KATNBL1: variants seen among roughly 807,000 people sequenced by gnomAD.
KATNBL1 encodes KATNB1-like protein 1.
KATNBL1 carries 28 observed loss-of-function variants against 44.7 expected under a neutral mutation model. The ratio of observed to expected loss-of-function variants is 0.63; its 90% CI spans 0.46 to 0.86. The LOEUF (loss-of-function observed/expected upper bound fraction) is 0.86, where lower values mean the gene tolerates loss of function less well. KATNBL1 is among the 40% of genes least tolerant of loss of function. The pLI is 0.00. For missense variants in KATNBL1, 272 were observed against 350.7 expected, an observed-to-expected ratio of 0.78 and a Z score of 1.79; for synonymous variants, 78 against 114.9, an observed-to-expected ratio of 0.68 and a Z score of 2.06.
In KATNBL1 at chr15:34,182,604, A is replaced by G. The variant is rs1272418777; in HGVS notation, c.-14-18914T>C. ...GATATATGTTCACCCCACCTGAGGTAAATGTTTACCATCCTAGACTGGTTT... is the reference window on the plus strand; with the variant it reads ...GATATATGTTCACCCCACCTGAGGTGAATGTTTACCATCCTAGACTGGTTT... On this transcript the variant is annotated intron_variant, in intron 1 of 9. Coordinates refer to ENST00000256544, the MANE Select transcript of KATNBL1 (RefSeq NM_024713.3). Among the ~76,000 whole-genome samples the G allele has an allele frequency of 2.0e-5, 3 of 152,178 alleles. No homozygotes were observed. The East Asian group carries it at 5.8e-4, about 29-fold the overall frequency.
chr15:34,181,870 C>CATATATATATCCATATATATATATCCAT (rs1889574977), intron 1 of KATNBL1, among the ~76,000 whole-genome samples: 16 of 73,100 alleles, frequency 2.2e-4, no homozygotes, highest in African/African-American at 9.6e-4. Context: ...TATATATATC[C>CATATATATATCCATATATATATATCCAT]ATATATATAT....
At chr15:34,166,151 C>G (rs528056773) in intron 1 of KATNBL1, 6 of 152,286 alleles carry the variant, frequency 3.9e-5, no homozygotes, top group Non-Finnish European at 4.4e-5. Flanking sequence ...ACCCGGGAAG[C>G]GCTAGGGGTC....
chr15:34,187,826 C>G (rs181064323), intron 1 of KATNBL1, among the ~76,000 whole-genome samples: 1 of 152,200 alleles, frequency 6.6e-6, no homozygotes, highest in African/African-American at 2.4e-5. Flanking sequence ...CAAACAACCA[C>G]ATTGCCACAA....
At chr15:34,188,437 T>A (rs755200378) in intron 1 of KATNBL1, among the ~76,000 whole-genome samples, 1 of 151,982 alleles carries the variant, frequency 6.6e-6, no homozygotes, top group Non-Finnish European at 1.5e-5. Context: ...ATGCCTGTAA[T>A]CCCAGCTACT....
chr15:34,188,568 GA>G (rs1344878979), intron 1 of KATNBL1, among the ~76,000 whole-genome samples: 51 of 152,094 alleles, frequency 3.4e-4, no homozygotes, highest in Non-Finnish European at 2.9e-4. Flanking sequence ...AAAGGGGGAA[GA>G]AAAAAAGTTT....
At chr15:34,143,452 G>A (rs118152587) in intron 9 of KATNBL1, among the ~76,000 whole-genome samples, 3,073 of 152,088 alleles carry the variant, frequency 0.02, 41 homozygotes, top group Non-Finnish European at 0.029. Flanking sequence ...ACGACAGAGC[G>A]AGATTCAGTC....
At chr15:34,152,001 A>T (rs1888494504) in intron 4 of KATNBL1, among the ~76,000 whole-genome samples, 3 of 133,092 alleles carry the variant, frequency 2.3e-5, no homozygotes, top group African/African-American at 5.8e-5. Context: ...AGTGCAATGG[A>T]ATGATCGCGG....
At chr15:34,169,085 G>C (rs1349152186) in intron 1 of KATNBL1, among the ~76,000 whole-genome samples, 1 of 152,054 alleles carries the variant, frequency 6.6e-6, no homozygotes, top group African/African-American at 2.4e-5. Context: ...AAATAACTAA[G>C]ATCAGAGCAG....
At position 34,184,107 on chromosome 15, in the gene KATNBL1, T is replaced by A. The variant is rs145511338; in HGVS notation, c.-14-20417A>T. Among the ~76,000 whole-genome samples the A allele has an allele frequency of 6.5e-3, 988 of 152,124 alleles. 8 individuals are homozygous for A. Among genetic ancestry groups the A allele is most frequent in the African/African-American group, 0.023 (954 of 41,490 alleles). On this transcript the variant is annotated intron_variant, in intron 1 of 9. Transcript: ENST00000256544. Reference sequence around the variant, plus strand: ...TTACGAGGTCAGGAGATCGAGACCATCCTGGCTAACCCGGTGAAACCCCGT... The same window carrying A: ...TTACGAGGTCAGGAGATCGAGACCAACCTGGCTAACCCGGTGAAACCCCGT...
chr15:34,198,370 A>C (rs1333919249), intron 1 of KATNBL1: 1 of 152,176 alleles, frequency 6.6e-6, no homozygotes, highest in African/African-American at 2.4e-5. Context: ...TTATAATACA[A>C]TATGTCAAGC....
At chr15:34,188,471 G>A (rs1889785807) in intron 1 of KATNBL1, among the ~76,000 whole-genome samples, 1 of 152,130 alleles carries the variant, frequency 6.6e-6, no homozygotes, top group Non-Finnish European at 1.5e-5. Flanking sequence ...CATGAGAATT[G>A]CTTGAACCTG....
At chr15:34,145,318 A>G in intron 9 of KATNBL1, 80 bp downstream of exon 9, 15 of 1,313,764 alleles carry the variant, frequency 1.1e-5, no homozygotes, top group Non-Finnish European at 1.5e-5. Context: ...TTTTGCCTAG[A>G]GACTTGAAAA....
chr15:34,147,732 G>A (rs1412125586), intron 5 of KATNBL1, among the ~76,000 whole-genome samples: 1 of 152,162 alleles, frequency 6.6e-6, no homozygotes, highest in Non-Finnish European at 1.5e-5. Context: ...AAGCGAGATA[G>A]GGAGTGGAGA....
chr15:34,187,021 G>T, intron 1 of KATNBL1, among the ~76,000 whole-genome samples: 1 of 152,228 alleles, frequency 6.6e-6, no homozygotes, highest in East Asian at 1.9e-4. Context: ...AGCCACAGCA[G>T]GGCGGAGGAT....
chr15:34,142,522 G>A, intron 9 of KATNBL1, 151 bp from the exon 10 acceptor site: 1 of 759,886 alleles, frequency 1.3e-6, no homozygotes, highest in Admixed American at 3.6e-5. Context: ...GCTTTTATCT[G>A]CATTTGTTCA....
chr15:34,178,141 A>C (rs1889391987), intron 1 of KATNBL1: 1 of 152,234 alleles, frequency 6.6e-6, no homozygotes, highest in Admixed American at 6.5e-5. Flanking sequence ...CATGCCATTC[A>C]ACCACATTTC....
intron 1 of KATNBL1, among the ~76,000 whole-genome samples, chr15:34,186,385 C>G (rs1269376818): frequency 1.3e-5 from 2 of 152,210 alleles, no homozygotes; most frequent in Non-Finnish European, 2.9e-5. Flanking sequence ...CCCAGGTGGG[C>G]TACAGCCACC....
chr15:34,178,124 T>G (rs774059385), intron 1 of KATNBL1: 1 of 152,224 alleles, frequency 6.6e-6, no homozygotes, highest in African/African-American at 2.4e-5. Flanking sequence ...TCACAGGACG[T>G]AGAATACATG....
chr15:34,153,570 C>CA (rs199789560), intron 3 of KATNBL1, among the ~76,000 whole-genome samples: 22 of 151,996 alleles, frequency 1.4e-4, no homozygotes, highest in African/African-American at 5.3e-4. Context: ...ATTAATGACT[C>CA]AAAAATTTTT....
Sources: allele counts gnomAD v4.1 joint callset (sites outside exome capture counted in the v4.1 genomes callset), GRCh38; gene constraint gnomAD v4.1.1; transcripts MANE v1.5; gene names NCBI Gene and HGNC (gene_info 2026-07-23, HGNC 2026-07-21).